The following AGBL4 variants were observed in gnomAD, a reference collection of about 807,000 sequenced individuals.
AGBL4 encodes AGBL carboxypeptidase 4.
Under a neutral mutation model 66.4 loss-of-function variants are expected in AGBL4, and 58 were observed. The ratio of observed to expected loss-of-function variants is 0.87; its 90% CI spans 0.71 to 1.09. AGBL4 has a LOEUF of 1.09. Ranked by LOEUF, AGBL4 falls within the 50% of genes least tolerant of loss-of-function variation. AGBL4 has a pLI of 0.00. For missense variants in AGBL4, 579 were observed against 631.0 expected, an observed-to-expected ratio of 0.92 and a Z score of 0.88; for synonymous variants, 234 against 222.9, an observed-to-expected ratio of 1.05 and a Z score of -0.44.
chr1:49,514,503 C>G (rs1202792678), intron 3 of AGBL4, among the ~76,000 whole-genome samples: 1 of 151,910 alleles, frequency 6.6e-6, no homozygotes, highest in African/African-American at 2.4e-5. Flanking sequence ...ATCAAGCTAC[C>G]AATGACTTTC....
At chr1:49,954,793 A>G (rs1035453821) in intron 1 of AGBL4, among the ~76,000 whole-genome samples, 1 of 151,808 alleles carries the variant, frequency 6.6e-6, no homozygotes, top group Non-Finnish European at 1.5e-5. Flanking sequence ...TCAAACTATG[A>G]GGCATTTTAT....
chr1:49,774,734 G>T lies in AGBL4; in HGVS notation c.157+76662C>A, dbSNP rs560435489. Reference sequence around the variant, plus strand: ...ATTCATTTGATTACAAGTGAAGACAGGTTATGCAAAATCCAGTATAAAGGT... The same window carrying T: ...ATTCATTTGATTACAAGTGAAGACATGTTATGCAAAATCCAGTATAAAGGT... On this transcript the variant is annotated intron_variant, in intron 2 of 13. Transcript: ENST00000371839. Among the ~76,000 whole-genome samples the T allele has an allele frequency of 8.3e-4, 126 of 152,220 alleles. 1 individual carries two copies. Among genetic ancestry groups the T allele is most frequent in the African/African-American group, 3.0e-3 (124 of 41,524 alleles).
intron 5 of AGBL4, among the ~76,000 whole-genome samples, chr1:48,873,436 G>A (rs12029376): frequency 3.3e-5 from 5 of 151,874 alleles, no homozygotes; most frequent in African/African-American, 1.2e-4. Flanking sequence ...GTGCTAGATC[G>A]GGTCCTTCCC....
At chr1:49,397,355 CATCTTTAGGTATGCATGT>C (rs1376589585) in intron 3 of AGBL4, among the ~76,000 whole-genome samples, 1 of 152,058 alleles carries the variant, frequency 6.6e-6, no homozygotes, top group African/African-American at 2.4e-5. Context: ...AGCATGCATG[CATCTTTAGGTATGCATGT>C]ATCTTTAGGT....
chr1:48,899,876 C>A (rs905793593), intron 5 of AGBL4, among the ~76,000 whole-genome samples: 1 of 152,078 alleles, frequency 6.6e-6, no homozygotes, highest in Non-Finnish European at 1.5e-5. Flanking sequence ...TTAAAATAAT[C>A]AAATATTCAT....
intron 9 of AGBL4, among the ~76,000 whole-genome samples, chr1:48,597,747 C>CAGAAAAGGAAAGAA (rs1408714553): frequency 5.6e-5 from 6 of 107,650 alleles, no homozygotes; most frequent in Non-Finnish European, 1.1e-4. Context: ...GGAGGGGAGA[C>CAGAAAAGGAAAGAA]AGAAAAGGAA....
chr1:48,633,693 G>A (rs1168535506), intron 9 of AGBL4, among the ~76,000 whole-genome samples: 1 of 152,116 alleles, frequency 6.6e-6, no homozygotes, highest in Non-Finnish European at 1.5e-5. Context: ...CCCATTCTGC[G>A]ATAGCTCTTC....
At chr1:49,946,662 A>G (rs1655235663) in intron 1 of AGBL4, among the ~76,000 whole-genome samples, 1 of 152,004 alleles carries the variant, frequency 6.6e-6, no homozygotes, top group Non-Finnish European at 1.5e-5. Context: ...AAACAAGAAC[A>G]AACCAAACCG....
At chr1:49,764,104 C>CCAGCA (rs1376424675) in intron 2 of AGBL4, among the ~76,000 whole-genome samples, 17 of 152,288 alleles carry the variant, frequency 1.1e-4, no homozygotes, top group African/African-American at 3.8e-4. Flanking sequence ...GCTTGGGCTC[C>CCAGCA]CAGCACAGCA....
At chr1:49,072,173 C>G (rs539057533) in intron 4 of AGBL4, among the ~76,000 whole-genome samples, 1 of 152,142 alleles carries the variant, frequency 6.6e-6, no homozygotes, top group Non-Finnish European at 1.5e-5. Context: ...ATACAGCATA[C>G]CAATGGGTCT....
chr1:49,655,123 A>T (rs1416110033), intron 3 of AGBL4, among the ~76,000 whole-genome samples: 1 of 152,172 alleles, frequency 6.6e-6, no homozygotes, highest in Non-Finnish European at 1.5e-5. Context: ...CTTGTTGGGC[A>T]GGCCTGGTGG....
At chr1:48,731,534 C>T (rs1648130032) in intron 6 of AGBL4, among the ~76,000 whole-genome samples, 1 of 152,112 alleles carries the variant, frequency 6.6e-6, no homozygotes, top group Non-Finnish European at 1.5e-5. Flanking sequence ...CATCCACCCA[C>T]CCCAAAAGGT....
intron 3 of AGBL4, among the ~76,000 whole-genome samples, chr1:49,395,650 T>C (rs1054126466): frequency 6.7e-6 from 1 of 148,958 alleles, no homozygotes; most frequent in African/African-American, 2.5e-5. Flanking sequence ...CTTATGAGAA[T>C]GTATTTGAAT....
intron 4 of AGBL4, among the ~76,000 whole-genome samples, chr1:49,123,755 C>G (rs1333442880): frequency 6.6e-6 from 1 of 152,130 alleles, no homozygotes; most frequent in Non-Finnish European, 1.5e-5. Flanking sequence ...TCCTAAGAAA[C>G]TTAATTGAGT....
At chr1:49,963,856 A>C (rs1473323522) in intron 1 of AGBL4, among the ~76,000 whole-genome samples, 4 of 152,106 alleles carry the variant, frequency 2.6e-5, no homozygotes, top group Admixed American at 2.0e-4. Context: ...TTTAAAGTTA[A>C]ATTCTCCCTT....
At chr1:49,818,438 T>G (rs1645286828) in intron 2 of AGBL4, among the ~76,000 whole-genome samples, 1 of 151,480 alleles carries the variant, frequency 6.6e-6, no homozygotes, top group Non-Finnish European at 1.5e-5. Flanking sequence ...CCATCATGAC[T>G]CACTGCAGCC....
At position 49,943,183 on chromosome 1, in the gene AGBL4, G is replaced by A. The variant is rs530777008; in HGVS notation, c.34+80580C>T. On this transcript the variant is annotated intron_variant, in intron 1 of 13. Transcript: ENST00000371839. ...AAGGATAACAAGTGTCGCCAAAAAT[G>A]TGAAGAAAAGGAAATCCTTGTGCAC... Among the ~76,000 whole-genome samples, 18 of 152,276 alleles carry A rather than the reference G, an allele frequency of 1.2e-4. No individual in the cohort carries two copies. In the East Asian group the frequency reaches 3.5e-3, roughly 29 times the overall value.
intron 3 of AGBL4, among the ~76,000 whole-genome samples, chr1:49,685,532 G>A (rs756861830): frequency 1.1e-4 from 16 of 152,220 alleles, no homozygotes; most frequent in Middle Eastern, 3.4e-3. Flanking sequence ...GTGTATAAGC[G>A]TTCCCTTTTC....
At chr1:49,058,015 G>T (rs1644337302) in intron 4 of AGBL4, among the ~76,000 whole-genome samples, 1 of 152,168 alleles carries the variant, frequency 6.6e-6, no homozygotes, top group South Asian at 2.1e-4. Flanking sequence ...GATGGGTATT[G>T]TGGTGGAGGG....
Sources: gnomAD v4.1 joint callset for allele counts (sites outside exome capture counted in the v4.1 genomes callset) on GRCh38, gnomAD v4.1.1 for gene constraint, MANE v1.5 for transcripts, NCBI Gene and HGNC (gene_info 2026-07-23, HGNC 2026-07-21) for gene names.